The following TIAM2 variants were observed in gnomAD, a reference collection of about 807,000 sequenced individuals.
The protein encoded by TIAM2 is rho guanine nucleotide exchange factor TIAM2.
A neutral mutation model predicts 152.9 loss-of-function variants in TIAM2; 80 were observed. The observed-to-expected ratio is 0.52, with a 90% confidence interval of 0.44 to 0.63. The LOEUF (loss-of-function observed/expected upper bound fraction) is 0.63. TIAM2 is among the 30% of genes least tolerant of loss of function. The pLI is 0.00. For synonymous variants in TIAM2, 804 were observed against 838.0 expected (o/e 0.96, Z 0.70); for missense variants, 1,965 against 2,120.1 (o/e 0.93, Z 1.44).
At chr6:155,209,721 G>T (rs1273994483) in intron 14 of TIAM2, among the ~76,000 whole-genome samples, 1 of 152,210 alleles carries the variant, frequency 6.6e-6, no homozygotes, top group Admixed American at 6.5e-5. Flanking sequence ...GGTGTCGGAA[G>T]AGGTAATGGA....
rs777913474 is a variant in TIAM2 at position 155,256,999 on chromosome 6, C to G, written c.4984C>G (p.Gln1662Glu). 1.9e-6 allele frequency: 3 copies of G among 1,614,154 alleles called. No homozygotes were observed. The highest frequency in any genetic ancestry group is 2.5e-6 in the Non-Finnish European group (3 of 1,180,028). ...GATCCGTCACCAGTCCCTTGACAGTCAGTCTGAAAATGCCACCATCGACCT... is the reference window on the plus strand; with the variant it reads ...GATCCGTCACCAGTCCCTTGACAGTGAGTCTGAAAATGCCACCATCGACCT... ...AQIRHQSLDS[Q>E]SENATIDLNS... The change falls in exon 27 of 27, where the codon CAG (glutamine) becomes GAG (glutamate). Residue 1662 changes from glutamine (Q) to glutamate (E), a missense_variant. Gln to Glu is a conservative substitution (Grantham distance 29, BLOSUM62 2). Around this residue, in one of 3 missense-constraint regions of TIAM2, gnomAD observed 935 missense variants for 980.0 expected, o/e 0.95. Transcript: ENST00000682666.
At chr6:155,106,088 T>C (rs1335030907) in intron 2 of TIAM2, among the ~76,000 whole-genome samples, 1 of 151,916 alleles carries the variant, frequency 6.6e-6, no homozygotes, top group Non-Finnish European at 1.5e-5. Context: ...CACTGCAACC[T>C]CTGCCCCCTG....
At chr6:155,133,128 G>T (rs1001303070) in intron 4 of TIAM2, among the ~76,000 whole-genome samples, 1 of 152,232 alleles carries the variant, frequency 6.6e-6, no homozygotes, top group Non-Finnish European at 1.5e-5. Context: ...GCTGAGGCAG[G>T]CGGATCACTG....
Position 155,137,375 on chromosome 6 carries a change from G to C in TIAM2, c.1393G>C (p.Glu465Gln), listed in dbSNP as rs1779579147. The C allele has an allele frequency of 6.2e-7, 1 of 1,614,246 alleles. No individual in the cohort carries two copies. Among genetic ancestry groups the C allele is most frequent in the East Asian group, 2.2e-5 (1 of 44,890 alleles). Reference sequence around the variant, plus strand: ...GAACATTTATGAGAATTTCATGCGAGAGTTGGAAATGAGCAGGACCAACAC... The same window carrying C: ...GAACATTTATGAGAATTTCATGCGACAGTTGGAAATGAGCAGGACCAACAC... ...RQNIYENFMR[E>Q]LEMSRTNTEN... Residue 465 changes from glutamate (E) to glutamine (Q), a missense_variant, in exon 5 of 27, where the codon GAG becomes CAG. By Grantham distance (29) the Glu-to-Gln change is conservative. This residue lies in a region of TIAM2 where 1,025 missense variants were observed against 1,119.4 expected (regional missense o/e 0.92). Transcript: ENST00000682666.
At chr6:155,041,523 G>T (rs759990098) in intron 1 of TIAM2, among the ~76,000 whole-genome samples, 4 of 152,168 alleles carry the variant, frequency 2.6e-5, no homozygotes, top group African/African-American at 7.2e-5. Context: ...GAAGAATTCT[G>T]TATTGTTCTG....
At chr6:155,009,357 C>G (rs1778450274) in intron 1 of TIAM2, among the ~76,000 whole-genome samples, 1 of 152,072 alleles carries the variant, frequency 6.6e-6, no homozygotes, top group Non-Finnish European at 1.5e-5. Flanking sequence ...CTGGCTTGGC[C>G]TCCCAAAGTT....
intron 2 of TIAM2, among the ~76,000 whole-genome samples, chr6:155,123,113 C>A (rs982879585): frequency 1.1e-4 from 16 of 151,990 alleles, no homozygotes; most frequent in African/African-American, 3.9e-4. Context: ...TAGCTTCCCT[C>A]AGGGAGTATC....
At chr6:155,015,944 CAAAAAAAAA>C (rs3081689) in intron 1 of TIAM2, among the ~76,000 whole-genome samples, 6 of 61,762 alleles carry the variant, frequency 9.7e-5, no homozygotes, top group African/African-American at 2.6e-4. Flanking sequence ...TTCAAAAAAC[CAAAAAAAAA>C]AAAAAAAAAA....
In TIAM2 at chr6:155,250,980, C is replaced by T. The variant is rs560894259; in HGVS notation, c.4019C>T (p.Ser1340Phe). 1 of 1,614,172 alleles carries T rather than the reference C, an allele frequency of 6.2e-7. No homozygotes were observed. Among genetic ancestry groups the T allele is most frequent in the Admixed American group, 1.7e-5 (1 of 60,028 alleles). ...GTTTCCTGGTTGAATCCATTTCTGT[C>T]TCTAGGAAAAGCTAGAAAGGACCTT... ...STVSWLNPFL[S>F]LGKARKDLEL... Residue 1340 changes from serine (S) to phenylalanine (F), a missense_variant, in exon 22 of 27, where the codon TCT (serine) becomes TTT (phenylalanine). Ser to Phe is a radical substitution (Grantham distance 155, BLOSUM62 -2). Transcript: ENST00000682666.
At chr6:155,098,367 C>T (rs2171082) in intron 2 of TIAM2, among the ~76,000 whole-genome samples, 92,893 of 151,932 alleles carry the variant, frequency 0.61, 30,074 homozygotes, top group African/African-American at 0.81. Flanking sequence ...CAGTGTGTTA[C>T]AGTTTTTATC....
At chr6:155,172,808 A>T (rs1337405684) in intron 9 of TIAM2, among the ~76,000 whole-genome samples, 1 of 148,794 alleles carries the variant, frequency 6.7e-6, no homozygotes, top group Non-Finnish European at 1.5e-5. Flanking sequence ...TAAAAAGGTT[A>T]ATTTAACATA....
At chr6:155,040,035 A>C (rs1026417844) in intron 1 of TIAM2, among the ~76,000 whole-genome samples, 4 of 152,252 alleles carry the variant, frequency 2.6e-5, no homozygotes, top group African/African-American at 9.6e-5. Context: ...ACCCTTGACC[A>C]AAACCAATTA....
At chr6:155,222,898 T>C (rs2115246238) in intron 15 of TIAM2, among the ~76,000 whole-genome samples, 1 of 152,274 alleles carries the variant, frequency 6.6e-6, no homozygotes, top group South Asian at 2.1e-4. Flanking sequence ...TTTGCTTCGG[T>C]CGTTTATTGT....
At chr6:155,042,329 G>A (rs1777066522) in intron 1 of TIAM2, among the ~76,000 whole-genome samples, 1 of 152,118 alleles carries the variant, frequency 6.6e-6, no homozygotes, top group East Asian at 1.9e-4. Flanking sequence ...TTGCAAGCAG[G>A]GGCTGGGCAC....
chr6:155,209,863 C>T (rs535364753), intron 14 of TIAM2, among the ~76,000 whole-genome samples: 26 of 152,296 alleles, frequency 1.7e-4, no homozygotes, highest in African/African-American at 6.0e-4. Flanking sequence ...ATTCTTGTCT[C>T]CCAGCTGTCC....
chr6:155,083,903 C>A (rs541566286), intron 1 of TIAM2, among the ~76,000 whole-genome samples: 42 of 152,274 alleles, frequency 2.8e-4, no homozygotes, highest in African/African-American at 9.6e-4. Flanking sequence ...GGCAAATGCA[C>A]CAAGAGAACC....
chr6:155,110,681 C>T (rs1009521264), intron 2 of TIAM2, among the ~76,000 whole-genome samples: 1 of 152,058 alleles, frequency 6.6e-6, no homozygotes, highest in African/African-American at 2.4e-5. Flanking sequence ...CTGTGCCTTA[C>T]AAAAAAGAAG....
chr6:155,083,377 G>C (rs1197960078), intron 1 of TIAM2, among the ~76,000 whole-genome samples: 1 of 150,864 alleles, frequency 6.6e-6, no homozygotes, highest in African/African-American at 2.4e-5. Flanking sequence ...AAGAGAGAGA[G>C]AGAGAGAGAT....
In TIAM2 at chr6:155,023,917, GT is replaced by G. The variant is rs542320764; in HGVS notation, c.-209+28429del. ...TTGGAGAGAGTATTTCCAAGACTCT[GT>G]TTTATCATCAGCAACATCATCATCT... is the stretch of plus-strand genomic sequence containing the variant. On this transcript the variant is annotated intron_variant, in intron 1 of 26. Coordinates refer to ENST00000682666, the MANE Select transcript of TIAM2 (RefSeq NM_012454.4). Among the ~76,000 whole-genome samples, 504 of 152,292 alleles carry G rather than the reference GT, an allele frequency of 3.3e-3. 2 individuals are homozygous for G. Among genetic ancestry groups the G allele is most frequent in the Non-Finnish European group, 4.4e-3 (301 of 68,030 alleles).
Sources: allele counts gnomAD v4.1 joint callset (sites outside exome capture counted in the v4.1 genomes callset), GRCh38; gene constraint gnomAD v4.1.1; regional missense constraint gnomAD v4.1.1; transcripts MANE v1.5; gene names NCBI Gene and HGNC (gene_info 2026-07-23, HGNC 2026-07-21).